TSC22D1: variants seen among roughly 807,000 people sequenced by gnomAD.
The protein encoded by TSC22D1 is TSC22 domain family member 1, also known as TSC22 domain family protein 1.
TSC22D1 carries 9 observed loss-of-function variants against 74.2 expected under a neutral mutation model. That is an observed-to-expected ratio of 0.12 (90% CI 0.07 to 0.21). The LOEUF (loss-of-function observed/expected upper bound fraction) is 0.21, where lower values mean the gene tolerates loss of function less well. Ranked by LOEUF, TSC22D1 falls within the 10% of genes least tolerant of loss-of-function variation. The pLI, the probability that TSC22D1 is intolerant of heterozygous loss-of-function variation, is 1.00. For synonymous variants in TSC22D1, 586 were observed against 492.5 expected (o/e 1.19, Z -2.51); for missense variants, 1,427 against 1,304.7 (o/e 1.09, Z -1.44).
chr13:44,485,937 T>A (rs1207129198), intron 1 of TSC22D1, among the ~76,000 whole-genome samples: 5 of 152,200 alleles, frequency 3.3e-5, no homozygotes, highest in Non-Finnish European at 7.4e-5. Flanking sequence ...GATGGGTTTT[T>A]AAATATGGAA....
At chr13:44,572,387 A>T (rs576055904) in intron 1 of TSC22D1, among the ~76,000 whole-genome samples, 2 of 152,350 alleles carry the variant, frequency 1.3e-5, no homozygotes, top group South Asian at 4.1e-4. Context: ...GGAGTAGATT[A>T]GCCAGAGACC....
At chr13:44,474,357 T>C (rs745643871) in intron 1 of TSC22D1, 19 of 827,940 alleles carry the variant, frequency 2.3e-5, no homozygotes, top group Non-Finnish European at 2.6e-5. Flanking sequence ...CAAAATTCCA[T>C]CTGTCCCCTA....
In TSC22D1 at chr13:44,464,538, T is replaced by G. The variant is rs57219116; in HGVS notation, c.2913-28443A>C. On this transcript the variant is annotated intron_variant, in intron 1 of 2. Coordinates refer to ENST00000458659, the MANE Select transcript of TSC22D1 (RefSeq NM_183422.4). ...CTATGTTTCTGGAAGGCAAATTAAT[T>G]CCTTCTAGAAGGCAAATCAATTAAG... Among the ~76,000 whole-genome samples the G allele has an allele frequency of 3.1e-3, 468 of 152,298 alleles. 2 individuals carry two copies. The highest frequency in any genetic ancestry group is 0.011 in the African/African-American group (457 of 41,558).
intron 1 of TSC22D1, among the ~76,000 whole-genome samples, chr13:44,491,500 G>A (rs1380804467): frequency 1.3e-5 from 2 of 149,994 alleles, no homozygotes; most frequent in Non-Finnish European, 3.0e-5. Flanking sequence ...CTTGCAGTGA[G>A]CCGAGATCGC....
At chr13:44,551,854 T>C (rs112042049) in intron 1 of TSC22D1, among the ~76,000 whole-genome samples, 268 of 152,260 alleles carry the variant, frequency 1.8e-3, no homozygotes, top group African/African-American at 6.2e-3. Context: ...TGAGCTATGA[T>C]TGTGCCACTA....
In TSC22D1 at chr13:44,434,192, T is replaced by C; in HGVS notation, c.*434A>G. The stretch of plus-strand genomic sequence containing the variant: ...TCTTTTTACCCTCCTTTCAAGTTCC[T>C]CCTGGGGGGAGGAGAGGAGAGAGGC... On this transcript the variant is annotated 3_prime_UTR_variant, in exon 3 of 3. Coordinates refer to ENST00000458659, the MANE Select transcript of TSC22D1 (RefSeq NM_183422.4). 6.8e-7 allele frequency: 1 copy of C among 1,461,590 alleles called. No homozygotes were observed. The highest frequency in any genetic ancestry group is 8.9e-7 in the Non-Finnish European group (1 of 1,121,046). 90.5% of individuals were successfully genotyped at this position (1,461,590 alleles called of 1,614,324 possible).
At position 44,512,331 on chromosome 13, in the gene TSC22D1, G is replaced by A. The variant is rs930838165; in HGVS notation, c.2912+60832C>T. On this transcript the variant is annotated intron_variant, in intron 1 of 2. Transcript: ENST00000458659. ...ACTACAGGCGCCCATCACCGCGCCC[G>A]GCTAATTTTTTGTATTTTTAGTAGA... 5.3e-4 allele frequency among the ~76,000 whole-genome samples: 80 copies of A among 151,146 alleles called. 1 individual carries two copies. The highest frequency in any genetic ancestry group is 3.4e-3 in the Admixed American group (52 of 15,194).
rs1874299794 is a variant in TSC22D1 at position 44,434,092 on chromosome 13, A to C, written c.*534T>G. On this transcript the variant is annotated 3_prime_UTR_variant, in exon 3 of 3. Transcript: ENST00000458659. ...CCATTGTTTGAGAAGAAAGAGGCACAGTACTATTGTTTTTTATGAATTTTG... is the reference window on the plus strand; with the variant it reads ...CCATTGTTTGAGAAGAAAGAGGCACCGTACTATTGTTTTTTATGAATTTTG... 6.6e-7 allele frequency: 1 copy of C among 1,509,486 alleles called. No homozygotes were observed. The highest frequency in any genetic ancestry group is 1.4e-5 in the African/African-American group (1 of 71,150). The allele number at this position is 1,509,486 out of a possible 1,614,324, so 93.5% of individuals were successfully genotyped here.
chr13:44,545,804 C>T (rs1407213016), intron 1 of TSC22D1, among the ~76,000 whole-genome samples: 1 of 151,862 alleles, frequency 6.6e-6, no homozygotes, highest in Non-Finnish European at 1.5e-5. Flanking sequence ...TGGTGAAACC[C>T]CGTCTCTACT....
intron 1 of TSC22D1, among the ~76,000 whole-genome samples, chr13:44,533,028 T>C (rs1880940061): frequency 6.6e-6 from 1 of 151,774 alleles, no homozygotes. Context: ...TTTAAAAGAG[T>C]GTGGTATTAG....
intron 1 of TSC22D1, among the ~76,000 whole-genome samples, chr13:44,445,319 GAAC>G (rs1265950462): frequency 2.5e-5 from 3 of 121,442 alleles, no homozygotes; most frequent in African/African-American, 8.4e-5. Context: ...AATGGTACTG[GAAC>G]AACTGCAAAA....
intron 1 of TSC22D1, among the ~76,000 whole-genome samples, chr13:44,501,623 G>A (rs537092018): frequency 1.7e-4 from 26 of 152,180 alleles, no homozygotes; most frequent in African/African-American, 5.5e-4. Flanking sequence ...AAATGATCAC[G>A]GCAGTGACAT....
At chr13:44,484,744 T>C (rs1878347176) in intron 1 of TSC22D1, among the ~76,000 whole-genome samples, 1 of 152,204 alleles carries the variant, frequency 6.6e-6, no homozygotes, top group South Asian at 2.1e-4. Context: ...GCAGTATCAT[T>C]AGCTGATGGG....
intron 1 of TSC22D1, among the ~76,000 whole-genome samples, chr13:44,569,366 A>T (rs1316285463): frequency 6.6e-6 from 1 of 152,232 alleles, no homozygotes; most frequent in Non-Finnish European, 1.5e-5. Flanking sequence ...TGGGAGGTAA[A>T]TACCACAATA....
intron 1 of TSC22D1, among the ~76,000 whole-genome samples, chr13:44,437,830 C>G (rs759590353): frequency 6.6e-6 from 1 of 152,178 alleles, no homozygotes; most frequent in Non-Finnish European, 1.5e-5. Flanking sequence ...AAGTTAGTCT[C>G]TGCCCATTTG....
At chr13:44,537,068 C>T in intron 1 of TSC22D1, 5 of 956,344 alleles carry the variant, frequency 5.2e-6, no homozygotes, top group Non-Finnish European at 5.0e-6. Flanking sequence ...CTTTCTACTC[C>T]TGAAACAGAA....
intron 1 of TSC22D1, among the ~76,000 whole-genome samples, chr13:44,527,653 A>G (rs1880613459): frequency 6.6e-6 from 1 of 152,182 alleles, no homozygotes; most frequent in Non-Finnish European, 1.5e-5. Context: ...CAATGAACAG[A>G]AAAGCTGCAA....
chr13:44,454,116 CAT>C (rs1876369974), intron 1 of TSC22D1, among the ~76,000 whole-genome samples: 1 of 151,992 alleles, frequency 6.6e-6, no homozygotes, highest in Non-Finnish European at 1.5e-5. Context: ...TGCACAAACA[CAT>C]AAAACTGAAT....
chr13:44,575,175 A>T lies in TSC22D1; in HGVS notation c.900T>A (p.Gly300=). 2 of 1,614,084 alleles carry T rather than the reference A, an allele frequency of 1.2e-6. No homozygotes were observed. Among genetic ancestry groups the T allele is most frequent in the Admixed American group, 3.3e-5 (2 of 60,026 alleles). Residue 300 remains glycine (G), a synonymous_variant, in exon 1 of 3, where the codon GGT becomes GGA. Coordinates refer to ENST00000458659, the MANE Select transcript of TSC22D1 (RefSeq NM_183422.4). ...MTNMRAPSTT[G]GIGINSVTGT... ...CAGTAACAGAATTTATACCTATTCC[A>T]CCTGTAGTACTTGGAGCACGCATAT...
Sources: allele counts gnomAD v4.1 joint callset (sites outside exome capture counted in the v4.1 genomes callset), GRCh38; gene constraint gnomAD v4.1.1; transcripts MANE v1.5; gene names NCBI Gene and HGNC (gene_info 2026-07-23, HGNC 2026-07-21).